Variants in DOCK1 observed in about 807,000 individuals in gnomAD.
The protein encoded by DOCK1 is dedicator of cytokinesis protein 1.
Under a neutral mutation model 262.7 loss-of-function variants are expected in DOCK1, and 138 were observed. That is an observed-to-expected ratio of 0.53 (90% confidence interval 0.46 to 0.61). The LOEUF (loss-of-function observed/expected upper bound fraction) is 0.61. DOCK1 is among the 20% of genes least tolerant of loss of function. The pLI is 0.00. For synonymous variants in DOCK1, 866 were observed against 867.4 expected, an observed-to-expected ratio of 1.00 and a Z score of 0.03; for missense variants, 1,908 against 2,370.7, an observed-to-expected ratio of 0.80 and a Z score of 4.05.
intron 22 of DOCK1, among the ~76,000 whole-genome samples, chr10:127,054,999 C>T (rs543211664): frequency 1.2e-4 from 18 of 152,238 alleles, no homozygotes; most frequent in African/African-American, 2.6e-4. Flanking sequence ...TTCTCTGCCT[C>T]GTTCTTTAAT....
intron 27 of DOCK1, among the ~76,000 whole-genome samples, chr10:127,234,657 G>T (rs1462043587): frequency 6.6e-6 from 1 of 151,982 alleles, no homozygotes; most frequent in Non-Finnish European, 1.5e-5. Context: ...TGTTTCTAAA[G>T]TACATGCAAA....
Position 127,447,467 on chromosome 10 carries a change from G to A in DOCK1, c.5487G>A (p.Val1829=). ...CCCCTCTGCCTCTCAAAGGCAGCGT[G>A]GCAGATTACGGGAATTTGATGGAAA... ...VPPPLPLKGS[V]ADYGNLMENQ... Residue 1829 remains valine (V), a synonymous_variant, in exon 51 of 52, where the codon GTG becomes GTA. Coordinates refer to ENST00000623213, the MANE Select transcript of DOCK1 (RefSeq NM_001290223.2). The A allele has an allele frequency of 6.2e-7, 1 of 1,613,790 alleles. No individual in the cohort carries two copies. Among genetic ancestry groups the A allele is most frequent in the Non-Finnish European group, 8.5e-7 (1 of 1,179,826 alleles).
intron 29 of DOCK1, among the ~76,000 whole-genome samples, chr10:127,303,063 TAGCAGGATAA>T (rs2061744662): frequency 6.6e-6 from 1 of 152,180 alleles, no homozygotes; most frequent in Admixed American, 6.5e-5. Context: ...TGACAACGGT[TAGCAGGATAA>T]AGAAGATTTT....
rs2070555693 is a variant in DOCK1 at position 127,446,378 on chromosome 10, C to T, written c.5414-1016C>T. Among the ~76,000 whole-genome samples, 1 of 152,074 alleles carries T rather than the reference C, an allele frequency of 6.6e-6. No homozygotes were observed. The highest frequency in any genetic ancestry group is 1.5e-5 in the Non-Finnish European group (1 of 68,008). ...GGGTGATGGAAATGTTTCAGAAATA[C>T]ATCATGGTGATGGTTATCCCCCACG... On this transcript the variant is annotated intron_variant, in intron 50 of 51. Coordinates refer to ENST00000623213, the MANE Select transcript of DOCK1 (RefSeq NM_001290223.2). The surrounding 1 kb of genome is among the most constrained non-coding windows in gnomAD (Gnocchi z 4.4).
At chr10:126,927,767 A>G (rs1041125849) in intron 1 of DOCK1, among the ~76,000 whole-genome samples, 1 of 152,132 alleles carries the variant, frequency 6.6e-6, no homozygotes, top group African/African-American at 2.4e-5. Context: ...TTCATTCAGT[A>G]GACGCGTAGT....
intron 27 of DOCK1, among the ~76,000 whole-genome samples, chr10:127,169,721 C>T (rs1485686633): frequency 6.6e-6 from 1 of 152,196 alleles, no homozygotes; most frequent in Non-Finnish European, 1.5e-5. Context: ...GTTTGCTGAC[C>T]TCTGCCATGT....
At chr10:127,291,429 G>C (rs1357929471) in intron 29 of DOCK1, among the ~76,000 whole-genome samples, 1 of 152,150 alleles carries the variant, frequency 6.6e-6, no homozygotes. Context: ...TTGAGTTCCA[G>C]ATGTCCTAAG....
intron 23 of DOCK1, among the ~76,000 whole-genome samples, chr10:127,095,687 G>GTGTGTT (rs1262711212): frequency 2.0e-5 from 3 of 152,034 alleles, no homozygotes; most frequent in Admixed American, 2.0e-4. Flanking sequence ...GTGTGTGTGT[G>GTGTGTT]TGTGAGCAAT....
At chr10:126,922,235 GGAAA>G (rs2033279217) in intron 1 of DOCK1, among the ~76,000 whole-genome samples, 2 of 138,392 alleles carry the variant, frequency 1.4e-5, no homozygotes, top group East Asian at 4.3e-4. Flanking sequence ...AAAAAAAAAA[GGAAA>G]GAGTTATAAT....
chr10:127,156,552 TC>T (rs2053078594), intron 27 of DOCK1, among the ~76,000 whole-genome samples: 2 of 96,008 alleles, frequency 2.1e-5, no homozygotes, highest in African/African-American at 3.8e-5. Flanking sequence ...TTCTTCTTCT[TC>T]TTCTTCTTCT....
At chr10:127,406,098 G>C (rs1157236840) in intron 40 of DOCK1, among the ~76,000 whole-genome samples, 1 of 152,168 alleles carries the variant, frequency 6.6e-6, no homozygotes, top group African/African-American at 2.4e-5. Flanking sequence ...AGGGAGGCAG[G>C]TGGACCCTAA....
intron 23 of DOCK1, among the ~76,000 whole-genome samples, chr10:127,065,029 A>G (rs2045773806): frequency 6.6e-6 from 1 of 151,832 alleles, no homozygotes; most frequent in Non-Finnish European, 1.5e-5. Context: ...CTTTTTTTTG[A>G]GACGGAGACT....
chr10:127,339,019 G>A lies in DOCK1; in HGVS notation c.3058G>A (p.Ala1020Thr), dbSNP rs1348391916. 6.3e-7 allele frequency: 1 copy of A among 1,580,892 alleles called. No individual in the cohort carries two copies. Among genetic ancestry groups the A allele is most frequent in the Non-Finnish European group, 8.6e-7 (1 of 1,162,974 alleles). The change falls in exon 30 of 52, where the codon GCA (alanine) becomes ACA (threonine). Residue 1020 changes from alanine (A) to threonine (T), a missense_variant. Physicochemically the swap from Ala to Thr is moderately conservative, Grantham distance 58. Transcript: ENST00000623213. Reference protein sequence around the residue: ...NMVQNKVFLRAINQYADMLNK... With the variant: ...NMVQNKVFLRTINQYADMLNK... ...TTGATCTTTCAGAGTCTTCCTGCGA[G>A]CAATTAATCAGTATGCAGATATGCT...
At chr10:126,983,620 C>T (rs933562141) in intron 4 of DOCK1, among the ~76,000 whole-genome samples, 3 of 152,172 alleles carry the variant, frequency 2.0e-5, no homozygotes, top group African/African-American at 7.2e-5. Flanking sequence ...CTCTGTCTTT[C>T]TCTTGCAGGC....
chr10:127,115,691 A>G (rs2049136547), intron 25 of DOCK1, among the ~76,000 whole-genome samples: 1 of 152,260 alleles, frequency 6.6e-6, no homozygotes, highest in Admixed American at 6.5e-5. Context: ...AGAAATTGGA[A>G]TAAAATGAAT....
intron 41 of DOCK1, 67 bp downstream of exon 41, chr10:127,409,245 G>A: frequency 6.2e-7 from 1 of 1,612,186 alleles, no homozygotes. Context: ...GTGGTTGGGT[G>A]TGGTGGGGGG....
chr10:127,322,437 A>G (rs938485577), intron 29 of DOCK1, among the ~76,000 whole-genome samples: 2 of 152,134 alleles, frequency 1.3e-5, no homozygotes, highest in African/African-American at 4.8e-5. Context: ...TGAACCACCC[A>G]TCTCAGCCTC....
chr10:127,406,174 C>T (rs932794853), intron 40 of DOCK1, among the ~76,000 whole-genome samples: 2 of 152,116 alleles, frequency 1.3e-5, no homozygotes, highest in Non-Finnish European at 2.9e-5. Flanking sequence ...TGGAGATCTA[C>T]CTCTGGTATG....
chr10:127,136,432 C>T (rs1313534417), intron 27 of DOCK1: 1 of 147,232 alleles, frequency 6.8e-6, no homozygotes, highest in Non-Finnish European at 1.5e-5. Context: ...AACTTCAAGA[C>T]TAGGTTTTCC....
Sources: gnomAD v4.1 joint callset for allele counts (sites outside exome capture counted in the v4.1 genomes callset) on GRCh38, gnomAD v4.1.1 for gene constraint, Gnocchi (gnomAD v3.1) non-coding constraint, MANE v1.5 for transcripts, NCBI Gene and HGNC (gene_info 2026-07-23, HGNC 2026-07-21) for gene names.